ANK3: variants seen among roughly 807,000 people sequenced by gnomAD.
The protein encoded by ANK3 is ankyrin 3.
Under a neutral mutation model 370.9 loss-of-function variants are expected in ANK3, and 57 were observed. The ratio of observed to expected loss-of-function variants is 0.15; its 90% CI spans 0.12 to 0.19. The LOEUF (loss-of-function observed/expected upper bound fraction) is 0.19. Among genes scored for constraint, ANK3 ranks in the 10% least tolerant of loss-of-function variants. ANK3 has a pLI of 1.00. For synonymous variants in ANK3, 1,929 were observed against 1,946.3 expected, an observed-to-expected ratio of 0.99 and a Z score of 0.23; for missense variants, 4,439 against 5,302.1, an observed-to-expected ratio of 0.84 and a Z score of 5.06.
At chr10:60,275,836 T>C (rs565083121) in intron 4 of ANK3, among the ~76,000 whole-genome samples, 2 of 152,348 alleles carry the variant, frequency 1.3e-5, no homozygotes, top group South Asian at 2.1e-4. Context: ...GTTGGTATTT[T>C]ATATTATAAA....
chr10:60,719,580 T>G (rs2079835147), intron 1 of ANK3, among the ~76,000 whole-genome samples: 1 of 152,150 alleles, frequency 6.6e-6, no homozygotes, highest in Admixed American at 6.5e-5. Context: ...TAGTCTTTTA[T>G]GATTTGTTAA....
At chr10:60,404,352 A>G (rs1024557975) in intron 2 of ANK3, among the ~76,000 whole-genome samples, 3 of 152,210 alleles carry the variant, frequency 2.0e-5, no homozygotes, top group African/African-American at 4.8e-5. Flanking sequence ...TCACTATTAC[A>G]GAAAGACACA....
chr10:60,091,407 G>GAA (rs1354320331), intron 28 of ANK3, among the ~76,000 whole-genome samples: 1 of 151,656 alleles, frequency 6.6e-6, no homozygotes, highest in African/African-American at 2.4e-5. Context: ...GGGTAGAAAG[G>GAA]AAATTAAAGT....
intron 2 of ANK3, among the ~76,000 whole-genome samples, chr10:60,516,229 T>C (rs2076215883): frequency 6.6e-6 from 1 of 152,058 alleles, no homozygotes; most frequent in Non-Finnish European, 1.5e-5. Context: ...AGAACAGTCA[T>C]AAAATGTTTA....
chr10:60,152,638 G>A (rs2095182807), intron 23 of ANK3, among the ~76,000 whole-genome samples: 1 of 152,060 alleles, frequency 6.6e-6, no homozygotes, highest in African/African-American at 2.4e-5. Context: ...TACTTTAAGG[G>A]TGTATTTATA....
At chr10:60,283,260 G>A (rs1194797215) in intron 1 of ANK3, among the ~76,000 whole-genome samples, 1 of 152,076 alleles carries the variant, frequency 6.6e-6, no homozygotes, top group Non-Finnish European at 1.5e-5. Flanking sequence ...CCTAGACTCA[G>A]TATCAGTGGG....
intron 1 of ANK3, among the ~76,000 whole-genome samples, chr10:60,352,539 C>T (rs1477229739): frequency 6.6e-6 from 1 of 152,100 alleles, no homozygotes; most frequent in African/African-American, 2.4e-5. Flanking sequence ...AAGTATGATA[C>T]CAGATCCAAG....
intron 25 of ANK3, among the ~76,000 whole-genome samples, chr10:60,130,503 A>C (rs1000337771): frequency 7.9e-5 from 12 of 152,238 alleles, no homozygotes; most frequent in African/African-American, 2.9e-4. Context: ...ATCTGACAGT[A>C]AGTTATATGT....
chr10:60,626,373 T>A (rs2078410613), intron 1 of ANK3, among the ~76,000 whole-genome samples: 1 of 152,174 alleles, frequency 6.6e-6, no homozygotes, highest in African/African-American at 2.4e-5. Flanking sequence ...ACAACTATAA[T>A]TTTTAAATAG....
chr10:60,418,635 T>C (rs1486770414), intron 2 of ANK3, among the ~76,000 whole-genome samples: 1 of 152,010 alleles, frequency 6.6e-6, no homozygotes, highest in African/African-American at 2.4e-5. Context: ...GGACTCTCAG[T>C]TAAATCTGAA....
chr10:60,654,957 ACTC>A (rs1444518729), intron 1 of ANK3, among the ~76,000 whole-genome samples: 1 of 151,766 alleles, frequency 6.6e-6, no homozygotes, highest in Non-Finnish European at 1.5e-5. Context: ...GAGCTGAAAA[ACTC>A]CTATATCCTG....
intron 2 of ANK3, among the ~76,000 whole-genome samples, chr10:60,552,257 C>T (rs2077104985): frequency 6.6e-6 from 1 of 152,158 alleles, no homozygotes; most frequent in South Asian, 2.1e-4. Context: ...AAATAGGAGT[C>T]TTCATGTATC....
chr10:60,111,502 T>C (rs1231632322), intron 26 of ANK3, among the ~76,000 whole-genome samples: 1 of 152,208 alleles, frequency 6.6e-6, no homozygotes, highest in Non-Finnish European at 1.5e-5. Flanking sequence ...ACATAACTTA[T>C]AGAACAAATT....
chr10:60,082,453 T>C (rs1195101967), intron 34 of ANK3, 162 bp downstream of exon 34: 2 of 982,630 alleles, frequency 2.0e-6, no homozygotes, highest in South Asian at 1.7e-5. Context: ...CTATAAGAAT[T>C]TGACACCACA....
intron 4 of ANK3, among the ~76,000 whole-genome samples, chr10:60,277,168 C>T (rs1220044114): frequency 1.3e-5 from 2 of 152,216 alleles, no homozygotes; most frequent in African/African-American, 2.4e-5. Flanking sequence ...AGAGCTATCA[C>T]TGCTATGTCG....
At chr10:60,050,243 T>C (rs556915034) in intron 42 of ANK3, among the ~76,000 whole-genome samples, 10 of 152,362 alleles carry the variant, frequency 6.6e-5, no homozygotes, top group South Asian at 2.1e-4. Context: ...CTTGCTTATA[T>C]ACATGGAATT....
At chr10:60,232,282 C>T (rs917415118) in intron 8 of ANK3, among the ~76,000 whole-genome samples, 1 of 152,110 alleles carries the variant, frequency 6.6e-6, no homozygotes, top group Non-Finnish European at 1.5e-5. Flanking sequence ...TCTGTATATC[C>T]GGGCACCTCT....
At chr10:60,713,021 C>A (rs1000953418) in intron 1 of ANK3, among the ~76,000 whole-genome samples, 1 of 152,176 alleles carries the variant, frequency 6.6e-6, no homozygotes, top group Admixed American at 6.5e-5. Context: ...GAGACTTCGA[C>A]ACCTTTTTAT....
At chr10:60,545,762 A>C (rs888056164) in intron 2 of ANK3, among the ~76,000 whole-genome samples, 3 of 152,188 alleles carry the variant, frequency 2.0e-5, no homozygotes, top group Non-Finnish European at 2.9e-5. Context: ...TGATATTTAG[A>C]TTTTCTTAAA....
Sources: allele counts gnomAD v4.1 joint callset (sites outside exome capture counted in the v4.1 genomes callset), GRCh38; gene constraint gnomAD v4.1.1; transcripts MANE v1.5; gene names NCBI Gene and HGNC (gene_info 2026-07-23, HGNC 2026-07-21).